The following GABPA variants were observed in gnomAD, a reference collection of about 807,000 sequenced individuals.
The protein encoded by GABPA is GA binding protein transcription factor subunit alpha, also known as GA-binding protein alpha chain.
GABPA carries 4 observed loss-of-function variants against 59.4 expected under a neutral mutation model. That is an observed-to-expected ratio of 0.07 (90% CI 0.03 to 0.15). The LOEUF (loss-of-function observed/expected upper bound fraction) is 0.15, where lower values mean the gene tolerates loss of function less well. GABPA is among the 10% of genes least tolerant of loss of function. GABPA has a pLI of 1.00. For missense variants in GABPA, 251 were observed against 543.8 expected (o/e 0.46, Z 5.36); for synonymous variants, 164 against 183.1 (o/e 0.90, Z 0.84).
At chr21:25,740,420 CTA>C (rs926677247) in intron 1 of GABPA, among the ~76,000 whole-genome samples, 4 of 152,190 alleles carry the variant, frequency 2.6e-5, no homozygotes, top group African/African-American at 9.7e-5. Context: ...CTTAGAATAA[CTA>C]CTCAGAAGGT....
At chr21:25,749,003 T>C (rs768570499) in intron 3 of GABPA, 33 bp from the exon 4 acceptor site, 1 of 1,373,406 alleles carries the variant, frequency 7.3e-7, no homozygotes, top group South Asian at 1.2e-5. Context: ...ATGATTGCAC[T>C]GAAATAATCT....
intron 4 of GABPA, among the ~76,000 whole-genome samples, chr21:25,751,561 G>A (rs2035513865): frequency 6.6e-6 from 1 of 151,760 alleles, no homozygotes; most frequent in Non-Finnish European, 1.5e-5. Context: ...GAAAAACTGA[G>A]TCAGTAAATA....
At chr21:25,758,317 A>G (rs1410819038) in intron 6 of GABPA, 113 bp downstream of exon 6, 1 of 744,212 alleles carries the variant, frequency 1.3e-6, no homozygotes. Flanking sequence ...AAGCAATAAT[A>G]ATTAACATTT....
chr21:25,761,788 T>C (rs145549647), intron 6 of GABPA, among the ~76,000 whole-genome samples: 1 of 152,314 alleles, frequency 6.6e-6, no homozygotes, highest in Admixed American at 6.5e-5. Flanking sequence ...TGTGAAATTA[T>C]TTAGTTTAAT....
At chr21:25,749,956 A>G (rs1260903705) in intron 4 of GABPA, among the ~76,000 whole-genome samples, 1 of 152,204 alleles carries the variant, frequency 6.6e-6, no homozygotes, top group Non-Finnish European at 1.5e-5. Flanking sequence ...ATTCAAGCGC[A>G]TTACATTATG....
At chr21:25,762,764 A>G (rs1175849437) in intron 7 of GABPA, among the ~76,000 whole-genome samples, 2 of 152,218 alleles carry the variant, frequency 1.3e-5, no homozygotes, top group Non-Finnish European at 2.9e-5. Flanking sequence ...AAAATATTCA[A>G]GTGTCCAAAA....
intron 1 of GABPA, among the ~76,000 whole-genome samples, chr21:25,740,508 G>C (rs1373391672): frequency 2.6e-5 from 4 of 152,172 alleles, no homozygotes; most frequent in African/African-American, 9.7e-5. Context: ...ACAGAACCTG[G>C]TACTTAACAG....
At chr21:25,743,128 A>G (rs998030933) in intron 2 of GABPA, among the ~76,000 whole-genome samples, 2 of 152,162 alleles carry the variant, frequency 1.3e-5, no homozygotes, top group Admixed American at 6.5e-5. Flanking sequence ...ACTCTCAGCA[A>G]GATGCCTCAG....
At chr21:25,737,926 C>G (rs1568937131) in intron 1 of GABPA, among the ~76,000 whole-genome samples, 1 of 152,142 alleles carries the variant, frequency 6.6e-6, no homozygotes, top group Non-Finnish European at 1.5e-5. Flanking sequence ...ATAGTGTATA[C>G]TTTCTCCACA....
chr21:25,767,349 G>T (rs1228687847), intron 9 of GABPA, among the ~76,000 whole-genome samples: 1 of 151,420 alleles, frequency 6.6e-6, no homozygotes, highest in African/African-American at 2.4e-5. Flanking sequence ...CAATTAAAAA[G>T]TTTAAAAAAA....
intron 5 of GABPA, chr21:25,752,459 G>C: frequency 1.9e-6 from 1 of 515,088 alleles, no homozygotes; most frequent in South Asian, 2.9e-5. Flanking sequence ...TCTGCTCTTA[G>C]GGTGTTGAGA....
At chr21:25,740,495 A>G (rs1437922292) in intron 1 of GABPA, among the ~76,000 whole-genome samples, 1 of 152,254 alleles carries the variant, frequency 6.6e-6, no homozygotes, top group Non-Finnish European at 1.5e-5. Context: ...GAGGTAGTTA[A>G]TAACAGAACC....
chr21:25,740,794 C>A (rs139292673), intron 1 of GABPA, among the ~76,000 whole-genome samples: 189 of 152,294 alleles, frequency 1.2e-3, no homozygotes, highest in African/African-American at 4.4e-3. Context: ...AATATTCTTG[C>A]ATTTATAAGA....
intron 3 of GABPA, among the ~76,000 whole-genome samples, chr21:25,746,809 A>G (rs561329331): frequency 6.6e-6 from 1 of 152,344 alleles, no homozygotes; most frequent in African/African-American, 2.4e-5. Flanking sequence ...TCAGCAAATT[A>G]TTCCTACAGA....
intron 5 of GABPA, among the ~76,000 whole-genome samples, chr21:25,755,415 G>A (rs2035609892): frequency 1.4e-5 from 2 of 147,434 alleles, no homozygotes; most frequent in African/African-American, 5.1e-5. Flanking sequence ...CAGCCTGGGT[G>A]GCAAAGCAAG....
chr21:25,742,265 G>C (rs1466242073), intron 2 of GABPA, among the ~76,000 whole-genome samples: 1 of 151,880 alleles, frequency 6.6e-6, no homozygotes, highest in Non-Finnish European at 1.5e-5. Flanking sequence ...AATAGACTTT[G>C]GGAGTCAACA....
chr21:25,758,213 T>C lies in GABPA; in HGVS notation c.748+9T>C, dbSNP rs982943532. 2 of 1,555,718 alleles carry C rather than the reference T, an allele frequency of 1.3e-6. No individual in the cohort carries two copies. The highest frequency in any genetic ancestry group is 1.7e-6 in the Non-Finnish European group (2 of 1,146,384). ...GGAACTTCTCCGAAAATGTATGAAA[T>C]TACAGTTATTTCTTTACATTGTAAT... On this transcript the variant is annotated intron_variant, in intron 6 of 9. Transcript: ENST00000400075.
chr21:25,747,867 A>C (rs1408760372), intron 3 of GABPA, among the ~76,000 whole-genome samples: 2 of 152,176 alleles, frequency 1.3e-5, no homozygotes, highest in African/African-American at 4.8e-5. Flanking sequence ...TAATGGATGA[A>C]ACTGTCATAT....
intron 5 of GABPA, among the ~76,000 whole-genome samples, chr21:25,756,111 A>G (rs1211320949): frequency 2.0e-5 from 3 of 152,238 alleles, no homozygotes; most frequent in Non-Finnish European, 4.4e-5. Flanking sequence ...GAGGCAGAAC[A>G]TGGGTGGACA....
Sources: allele counts gnomAD v4.1 joint callset (sites outside exome capture counted in the v4.1 genomes callset), GRCh38; gene constraint gnomAD v4.1.1; transcripts MANE v1.5; gene names NCBI Gene and HGNC (gene_info 2026-07-23, HGNC 2026-07-21).